Variants in PEBP1 observed in about 807,000 individuals in gnomAD.
PEBP1 encodes the protein phosphatidylethanolamine-binding protein 1.
A neutral mutation model predicts 22.7 loss-of-function variants in PEBP1; 17 were observed. The ratio of observed to expected loss-of-function variants is 0.75; its 90% CI spans 0.51 to 1.12. The LOEUF is 1.12. Ranked by LOEUF, PEBP1 falls within the 50% of genes most tolerant of loss-of-function variation. The pLI is 0.00. For missense variants in PEBP1, 205 were observed against 243.5 expected (o/e 0.84, Z 1.05); for synonymous variants, 106 against 104.3 (o/e 1.02, Z -0.10).
intron 3 of PEBP1, among the ~76,000 whole-genome samples, chr12:118,141,308 G>C (rs1224674483): frequency 2.0e-5 from 3 of 152,032 alleles, no homozygotes; most frequent in Non-Finnish European, 2.9e-5. Flanking sequence ...GTAGAGTCAA[G>C]GTTTCACCAT....
Position 118,136,291 on chromosome 12 carries a change from A to G in PEBP1, c.82A>G (p.Thr28Ala), listed in dbSNP as rs781637614. 5 of 1,546,670 alleles carry G rather than the reference A, an allele frequency of 3.2e-6. No homozygotes were observed. In the South Asian group the frequency reaches 4.8e-5, roughly 15 times the overall value. ...DEQPQHPLHV[T>A]YAGAAVDELG... is the part of the protein sequence containing the mutation. Reference sequence around the variant, plus strand: ...GCAGCCGCAGCACCCGCTGCATGTCACCTACGCCGGGGCGGCGGTGGACGA... The same window carrying G: ...GCAGCCGCAGCACCCGCTGCATGTCGCCTACGCCGGGGCGGCGGTGGACGA... The change falls in exon 1 of 4, where the codon ACC becomes GCC. Residue 28 changes from threonine (T) to alanine (A), a missense_variant. Thr to Ala is a moderately conservative substitution (Grantham distance 58). Coordinates refer to ENST00000261313, the MANE Select transcript of PEBP1 (RefSeq NM_002567.4). The surrounding 1 kb of genome is among the most constrained non-coding windows in gnomAD (Gnocchi z 5.6).
At position 118,138,605 on chromosome 12, in the gene PEBP1, A is replaced by T. The variant is rs920426122; in HGVS notation, c.245+457A>T. On this transcript the variant is annotated intron_variant, in intron 2 of 3. Coordinates refer to ENST00000261313, the MANE Select transcript of PEBP1 (RefSeq NM_002567.4). ...GTAGAGACGGGGTTTCACCTTGTCC[A>T]GGCTGCTCTCGAACTCCTGACCTCA... is the stretch of plus-strand genomic sequence containing the variant. Among the ~76,000 whole-genome samples, 47 of 151,922 alleles carry T rather than the reference A, an allele frequency of 3.1e-4. 1 individual carries two copies. Among genetic ancestry groups the T allele is most frequent in the Admixed American group, 2.2e-3 (34 of 15,220 alleles).
chr12:118,138,824 C>T (rs911749957), intron 2 of PEBP1, among the ~76,000 whole-genome samples: 4 of 152,192 alleles, frequency 2.6e-5, no homozygotes, highest in African/African-American at 9.7e-5. Context: ...AGCTATGTGT[C>T]ATCTGTGGCT....
In PEBP1 at chr12:118,138,286, C is replaced by G. The variant is rs1444380894; in HGVS notation, c.245+138C>G. On this transcript the variant is annotated intron_variant, in intron 2 of 3. Transcript: ENST00000261313. ...TTAAGCCAGAGAGTGCCTTTCCTGC[C>G]CTTTTGCCCCCCTACAGCAGGTGTC... 9 of 649,328 alleles carry G rather than the reference C, an allele frequency of 1.4e-5. No homozygotes were observed. The African/African-American group carries it at 1.4e-4, about 10-fold the overall frequency. The allele number at this position is 649,328 out of a possible 1,614,324, so 40.2% of individuals were successfully genotyped here.
At chr12:118,137,435 C>T (rs2034074307) in intron 1 of PEBP1, among the ~76,000 whole-genome samples, 1 of 152,110 alleles carries the variant, frequency 6.6e-6, no homozygotes, top group Admixed American at 6.6e-5. Context: ...ATGTAGTTCC[C>T]AGCTGCTCAG....
intron 1 of PEBP1, among the ~76,000 whole-genome samples, chr12:118,137,760 C>T (rs781265283): frequency 2.0e-5 from 3 of 151,834 alleles, no homozygotes; most frequent in African/African-American, 4.8e-5. Flanking sequence ...TGATCTTGGC[C>T]GCCTGCAGCC....
intron 3 of PEBP1, among the ~76,000 whole-genome samples, chr12:118,142,994 G>T (rs541212172): frequency 6.7e-6 from 1 of 150,010 alleles, no homozygotes; most frequent in Non-Finnish European, 1.5e-5. Context: ...ACAGGCACAG[G>T]CTACCTACCA....
chr12:118,145,575 C>T lies in PEBP1; in HGVS notation c.*772C>T, dbSNP rs967615796. On this transcript the variant is annotated 3_prime_UTR_variant, in exon 4 of 4. Transcript: ENST00000261313. ...GCTTGTAGTTGAATAAAAATAGAAA[C>T]CTGAATGAAGGAACTGAGTCCCCGG... 6.5e-6 allele frequency: 1 copy of T among 154,070 alleles called. No homozygotes were observed. The allele number at this position is 154,070 out of a possible 1,614,324, so 9.5% of individuals were successfully genotyped here. A position where few individuals can be genotyped will look rare whatever the true frequency, so the allele number is the denominator to read the frequency against.
At chr12:118,138,273 G>T in intron 2 of PEBP1, 125 bp downstream of exon 2, 1 of 687,608 alleles carries the variant, frequency 1.5e-6, no homozygotes, top group Admixed American at 2.2e-5. Context: ...AAGCCAGAGA[G>T]TGCCTTTCCT....
At chr12:118,138,331 C>G (rs1479981691) in intron 2 of PEBP1, among the ~76,000 whole-genome samples, 183 bp downstream of exon 2, 1 of 152,136 alleles carries the variant, frequency 6.6e-6, no homozygotes, top group South Asian at 2.1e-4. Flanking sequence ...CAGCCGAGAG[C>G]CATATCCACC....
Position 118,145,407 on chromosome 12 carries a change from G to T in PEBP1, c.*604G>T. The T allele has an allele frequency of 5.7e-6, 1 of 174,740 alleles. No homozygotes were observed. The highest frequency in any genetic ancestry group is 1.2e-4 in the South Asian group (1 of 8,024). 10.8% of individuals were successfully genotyped at this position (174,740 alleles called of 1,614,324 possible). A position where few individuals can be genotyped will look rare whatever the true frequency, so the allele number is the denominator to read the frequency against. On this transcript the variant is annotated 3_prime_UTR_variant, in exon 4 of 4. Transcript: ENST00000261313. ...GGGAGGGTGGCTTTGCTGTTGTTGG[G>T]ACATGGCAATCTAGACCGGTAGCAG...
chr12:118,142,696 C>T (rs1000705292), intron 3 of PEBP1, among the ~76,000 whole-genome samples: 1 of 151,340 alleles, frequency 6.6e-6, no homozygotes, highest in Non-Finnish European at 1.5e-5. Context: ...AAGCTGGTCT[C>T]AAATTCCTGA....
At chr12:118,141,991 G>C (rs1241491721) in intron 3 of PEBP1, among the ~76,000 whole-genome samples, 1 of 151,948 alleles carries the variant, frequency 6.6e-6, no homozygotes, top group Admixed American at 6.6e-5. Flanking sequence ...AAACTTCTGT[G>C]TATTATTCTA....
At chr12:118,144,358 T>C (rs997273815) in intron 3 of PEBP1, among the ~76,000 whole-genome samples, 5 of 152,182 alleles carry the variant, frequency 3.3e-5, no homozygotes, top group African/African-American at 1.2e-4. Context: ...AGCAGGGGCC[T>C]AACACATTCT....
chr12:118,136,193 C>G lies in PEBP1; in HGVS notation c.-17C>G, dbSNP rs2034055090. ...CTACCGCGGCACTCCCGGCTGCACG[C>G]TCTGCTTGGCCTCGCCATGCCGGTG... On this transcript the variant is annotated 5_prime_UTR_variant, in exon 1 of 4. Transcript: ENST00000261313. This position sits in a 1 kb window ranked among gnomAD's most constrained non-coding sequence, Gnocchi z 5.6. The G allele has an allele frequency of 1.9e-6, 3 of 1,543,402 alleles. No homozygotes were observed. Among genetic ancestry groups the G allele is most frequent in the Admixed American group, 2.0e-5 (1 of 50,968 alleles).
At chr12:118,142,439 C>A (rs978288076) in intron 3 of PEBP1, among the ~76,000 whole-genome samples, 6 of 151,818 alleles carry the variant, frequency 4.0e-5, no homozygotes, top group African/African-American at 1.5e-4. Flanking sequence ...ATGATCTGCC[C>A]ACCTCAGCCT....
intron 3 of PEBP1, among the ~76,000 whole-genome samples, chr12:118,142,759 G>A (rs1396292840): frequency 6.6e-6 from 1 of 150,546 alleles, no homozygotes; most frequent in African/African-American, 2.4e-5. Flanking sequence ...TTACAGGTGT[G>A]AGCCACTGCG....
In PEBP1 at chr12:118,143,775, C is replaced by T. The variant is rs145926142; in HGVS notation, c.347-811C>T. 9.3e-4 allele frequency among the ~76,000 whole-genome samples: 142 copies of T among 151,876 alleles called. 2 individuals carry two copies. In the East Asian group the frequency reaches 0.025, roughly 27 times the overall value. ...CAAAACATAACTGGGCGTGGTGGCACGTACCTGTAATCCTAGCTACTCAGG... is the reference window on the plus strand; with the variant it reads ...CAAAACATAACTGGGCGTGGTGGCATGTACCTGTAATCCTAGCTACTCAGG... On this transcript the variant is annotated intron_variant, in intron 3 of 3. Coordinates refer to ENST00000261313, the MANE Select transcript of PEBP1 (RefSeq NM_002567.4).
chr12:118,144,511 T>C, intron 3 of PEBP1, 75 bp from the exon 4 acceptor site: 1 of 1,428,880 alleles, frequency 7.0e-7, no homozygotes, highest in Non-Finnish European at 9.7e-7. Flanking sequence ...TGTTGAAACA[T>C]TCGATAAAAA....
Sources: allele counts gnomAD v4.1 joint callset (sites outside exome capture counted in the v4.1 genomes callset), GRCh38; gene constraint gnomAD v4.1.1; non-coding constraint Gnocchi (gnomAD v3.1); transcripts MANE v1.5; gene names NCBI Gene and HGNC (gene_info 2026-07-23, HGNC 2026-07-21).